Variants in AFF2 observed in about 807,000 individuals in gnomAD.
AFF2 encodes the protein AF4/FMR2 family member 2.
AFF2 carries 14 observed loss-of-function variants against 76.9 expected under a neutral mutation model. The observed-to-expected ratio is 0.18, with a 90% confidence interval of 0.12 to 0.28. AFF2 has a LOEUF of 0.28. Ranked by LOEUF, AFF2 falls within the 10% of genes least tolerant of loss-of-function variation. AFF2 has a pLI of 1.00. For synonymous variants in AFF2, 398 were observed against 366.7 expected (o/e 1.09, Z -0.98); for missense variants, 868 against 1,001.1 (o/e 0.87, Z 1.79).
chrX:148,785,847 A>G (rs1005791445), intron 3 of AFF2, among the ~76,000 whole-genome samples: 1 of 112,105 alleles, frequency 8.9e-6, no homozygotes, highest in East Asian at 2.8e-4. Context: ...GAATATTTTG[A>G]GGGAGCACTG....
At chrX:148,610,245 G>A (rs781871590) in intron 1 of AFF2, among the ~76,000 whole-genome samples, 1 of 110,853 alleles carries the variant, frequency 9.0e-6, no homozygotes, top group East Asian at 2.9e-4. Flanking sequence ...AAATGACTTG[G>A]TATTGAGTCA....
At chrX:148,837,952 G>T (rs1406451177) in intron 5 of AFF2, among the ~76,000 whole-genome samples, 1 of 112,027 alleles carries the variant, frequency 8.9e-6, no homozygotes, top group Admixed American at 9.5e-5. Context: ...ACTCCATAGG[G>T]TGTTGCCACT....
chrX:148,541,658 A>T (rs1569551002), intron 1 of AFF2, among the ~76,000 whole-genome samples: 1 of 111,156 alleles, frequency 9.0e-6, no homozygotes, highest in African/African-American at 3.3e-5. Flanking sequence ...GCATAGTTGA[A>T]ATTTTAATCA....
chrX:148,575,272 C>T (rs1178406133), intron 1 of AFF2, among the ~76,000 whole-genome samples: 7 of 111,072 alleles, frequency 6.3e-5, no homozygotes, highest in African/African-American at 2.0e-4. Context: ...TCACTGTTCT[C>T]ATTTTCACTC....
intron 8 of AFF2, among the ~76,000 whole-genome samples, chrX:148,886,709 C>T (rs1386390036): frequency 4.5e-5 from 5 of 111,988 alleles, no homozygotes; most frequent in Admixed American, 9.4e-5. Flanking sequence ...AGAACTGTCT[C>T]GAATGTGGGG....
intron 12 of AFF2, among the ~76,000 whole-genome samples, chrX:148,959,973 G>A (rs782512119): frequency 8.9e-6 from 1 of 112,628 alleles, no homozygotes; most frequent in East Asian, 2.8e-4. Flanking sequence ...CCAGTGGCCT[G>A]TCGCCTTCCC....
chrX:148,648,380 G>A (rs1464011377), intron 1 of AFF2, among the ~76,000 whole-genome samples: 2 of 109,066 alleles, frequency 1.8e-5, no homozygotes, highest in African/African-American at 3.4e-5. Context: ...GGTCAACATG[G>A]CAAAACCCTA....
intron 4 of AFF2, among the ~76,000 whole-genome samples, chrX:148,836,550 C>T (rs1208687912): frequency 1.8e-5 from 2 of 110,947 alleles, no homozygotes; most frequent in Admixed American, 1.9e-4. Context: ...TTTTGATCCC[C>T]TCCATCCTTC....
At chrX:148,893,735 A>G (rs1334729735) in intron 8 of AFF2, among the ~76,000 whole-genome samples, 2 of 112,035 alleles carry the variant, frequency 1.8e-5, no homozygotes, top group African/African-American at 6.5e-5. Context: ...AGGGATGACC[A>G]CAGCCTTTTC....
chrX:148,512,170 G>A (rs140678143), intron 1 of AFF2, among the ~76,000 whole-genome samples: 1,847 of 111,568 alleles, frequency 0.017, 24 homozygotes, highest in Non-Finnish European at 0.026. Context: ...AGCCATGATG[G>A]ACCTTTTTAA....
In AFF2 at chrX:148,566,845, T is replaced by G. The variant is rs781808970; in HGVS notation, c.47+65701T>G. 7.1e-5 allele frequency among the ~76,000 whole-genome samples: 8 copies of G among 111,941 alleles called. No individual in the cohort carries two copies. In the South Asian group the frequency reaches 3.0e-3, roughly 42 times the overall value. On this transcript the variant is annotated intron_variant, in intron 1 of 20. Coordinates refer to ENST00000370460, the MANE Select transcript of AFF2 (RefSeq NM_002025.4). ...CCAAAATCTCCTTTGTAGCTCTTTATAACCAAAGTGCCAGCAAATCAACAA... is the reference window on the plus strand; with the variant it reads ...CCAAAATCTCCTTTGTAGCTCTTTAGAACCAAAGTGCCAGCAAATCAACAA...
intron 2 of AFF2, among the ~76,000 whole-genome samples, chrX:148,661,183 A>G (rs1346396878): frequency 8.9e-6 from 1 of 112,621 alleles, no homozygotes; most frequent in African/African-American, 3.2e-5. Context: ...TTCCTTAATC[A>G]TTGAAAAGAC....
At chrX:148,583,488 T>C (rs1242058728) in intron 1 of AFF2, among the ~76,000 whole-genome samples, 6 of 111,794 alleles carry the variant, frequency 5.4e-5, no homozygotes, top group African/African-American at 1.6e-4. Flanking sequence ...CTCACCATAA[T>C]AGTATCATGC....
intron 1 of AFF2, among the ~76,000 whole-genome samples, chrX:148,572,047 C>CAA (rs61569628): frequency 0.024 from 2,338 of 96,363 alleles, 35 homozygotes; most frequent in East Asian, 0.064. Flanking sequence ...CCAGAAAAGA[C>CAA]AAAAAAAAAA....
At chrX:148,727,918 T>C (rs1557264372) in intron 3 of AFF2, among the ~76,000 whole-genome samples, 3 of 112,171 alleles carry the variant, frequency 2.7e-5, no homozygotes. Context: ...AGAGTTCCGA[T>C]AAAAAGATAC....
chrX:148,685,750 C>T (rs2054594613), intron 3 of AFF2, among the ~76,000 whole-genome samples: 1 of 111,039 alleles, frequency 9.0e-6, no homozygotes, highest in African/African-American at 3.3e-5. Flanking sequence ...TGCATAGCTA[C>T]CTCCCAGACC....
At chrX:148,564,009 C>T (rs782206657) in intron 1 of AFF2, among the ~76,000 whole-genome samples, 1 of 110,806 alleles carries the variant, frequency 9.0e-6, no homozygotes, top group African/African-American at 3.3e-5. Flanking sequence ...GAAGAGGACA[C>T]AAAAAGGAAA....
rs781872881 is a variant in AFF2, at chrX:148,530,512, C to T, written c.47+29368C>T. 1.5e-3 allele frequency among the ~76,000 whole-genome samples: 167 copies of T among 111,444 alleles called. 1 individual carries two copies. The highest frequency in any genetic ancestry group is 2.3e-3 in the Non-Finnish European group (122 of 53,056). ...ATAACTCCAGTCTTTCATTCCCATC[C>T]CATGCCTTCCTCTTTTGATATGAAT... On this transcript the variant is annotated intron_variant, in intron 1 of 20. Coordinates refer to ENST00000370460, the MANE Select transcript of AFF2 (RefSeq NM_002025.4).
intron 1 of AFF2, among the ~76,000 whole-genome samples, chrX:148,611,660 A>G (rs1228161494): frequency 4.5e-5 from 5 of 110,746 alleles, no homozygotes; most frequent in African/African-American, 1.3e-4. Flanking sequence ...TTGGACTCCT[A>G]TCTCTGAGCC....
Sources: allele counts gnomAD v4.1 joint callset (sites outside exome capture counted in the v4.1 genomes callset), GRCh38; gene constraint gnomAD v4.1.1; transcripts MANE v1.5; gene names NCBI Gene and HGNC (gene_info 2026-07-23, HGNC 2026-07-21).